Variants in SULT1E1 observed in about 807,000 individuals in gnomAD.
SULT1E1 encodes sulfotransferase 1E1.
Under a neutral mutation model 33.6 loss-of-function variants are expected in SULT1E1, and 36 were observed. That is an observed-to-expected ratio of 1.07 (90% CI 0.82 to 1.41). SULT1E1 has a LOEUF of 1.41. SULT1E1 is among the 40% of genes most tolerant of loss of function. The pLI is 0.00. For missense variants in SULT1E1, 371 were observed against 345.7 expected (o/e 1.07, Z -0.58); for synonymous variants, 121 against 111.7 (o/e 1.08, Z -0.53).
chr4:69,844,274 T>A lies in SULT1E1; in HGVS notation c.659A>T (p.Asp220Val), dbSNP rs201005072. ...GAACGAAGTATGATGTATAATCCTG[T>A]CCACAAGCTCCTCTGATGGCTTCCT... is the stretch of plus-strand genomic sequence containing the variant. ...LERKPSEELVDRIIHHTSFQE... is the reference protein window; with the variant it reads ...LERKPSEELVVRIIHHTSFQE... Residue 220 changes from aspartate to valine, a missense_variant, in exon 7 of 8, where the codon GAC (aspartate) becomes GTC (valine). By Grantham distance (152) the Asp-to-Val change is radical. Transcript: ENST00000226444. 2.2e-5 allele frequency: 36 copies of A among 1,613,764 alleles called. No individual in the cohort carries two copies. The highest frequency in any genetic ancestry group is 3.0e-5 in the Non-Finnish European group (35 of 1,179,840).
chr4:69,859,970 C>G (rs763005472), intron 1 of SULT1E1, 79 bp downstream of exon 1: 1 of 151,856 alleles, frequency 6.6e-6, no homozygotes, highest in Non-Finnish European at 1.5e-5. Flanking sequence ...TTTTTAAGAG[C>G]TTTGTAATAC....
At chr4:69,837,193 G>A (rs12499679), downstream of SULT1E1, among the ~76,000 whole-genome samples, 41,496 of 151,956 alleles carry the variant, frequency 0.27, 6,175 homozygotes, top group South Asian at 0.43. Flanking sequence ...CTTTCCATGT[G>A]TGATTTTTGG....
intron 7 of SULT1E1, among the ~76,000 whole-genome samples, chr4:69,842,596 T>G (rs887336784): frequency 6.6e-6 from 1 of 152,208 alleles, no homozygotes; most frequent in Non-Finnish European, 1.5e-5. Flanking sequence ...TACATTTTAA[T>G]GACCTGTGTA....
rs747589749 is a variant in SULT1E1 at position 69,857,593 on chromosome 4, G to T, written c.52C>A (p.Leu18Ile). The change falls in exon 2 of 8, where the codon CTA becomes ATA. Residue 18 changes from leucine to isoleucine, a missense_variant. Transcript: ENST00000226444. ...YEKFEEVHGILMYKDFVKYWD... is the reference protein window; with the variant it reads ...YEKFEEVHGIIMYKDFVKYWD... The stretch of plus-strand genomic sequence containing the variant: ...TATTTGACAAAATCTTTATACATTA[G>T]AATCCCATGGACTTCTTCAAACTTT... 30 of 1,612,682 alleles carry T rather than the reference G, an allele frequency of 1.9e-5. No homozygotes were observed. Among genetic ancestry groups the T allele is most frequent in the Non-Finnish European group, 2.5e-5 (29 of 1,179,594 alleles).
chr4:69,830,428 C>A, the SULT1E1 span, among the ~76,000 whole-genome samples: 1 of 152,228 alleles, frequency 6.6e-6, no homozygotes, highest in Non-Finnish European at 1.5e-5. Context: ...CAGGGTTGAA[C>A]AGGGTGTACA....
chr4:69,849,694 CAT>C lies in SULT1E1; in HGVS notation c.370-133_370-132del, dbSNP rs11573772. 32 of 766,340 alleles carry C rather than the reference CAT, an allele frequency of 4.2e-5. No individual in the cohort carries two copies. The African/African-American group carries it at 5.0e-4, about 12-fold the overall frequency. 47.5% of individuals were successfully genotyped at this position (766,340 alleles called of 1,614,324 possible). A position where few individuals can be genotyped will look rare whatever the true frequency, so the allele number is the denominator to read the frequency against. On this transcript the variant is annotated intron_variant, in intron 4 of 7. Coordinates refer to ENST00000226444, the MANE Select transcript of SULT1E1 (RefSeq NM_005420.3). ...CATTAATTTTACAAAATGCATAAGA[CAT>C]GTACAATTATTTATAAAGACATCTT... is the stretch of plus-strand genomic sequence containing the variant.
chr4:69,831,150 G>A, the SULT1E1 span, among the ~76,000 whole-genome samples: 1 of 152,188 alleles, frequency 6.6e-6, no homozygotes, highest in Non-Finnish European at 1.5e-5. Flanking sequence ...TGAACCAGCA[G>A]CAAAAGCAGT....
At chr4:69,840,624 A>G (rs1461079406), downstream of SULT1E1, among the ~76,000 whole-genome samples, 1 of 152,242 alleles carries the variant, frequency 6.6e-6, no homozygotes, top group African/African-American at 2.4e-5. Flanking sequence ...AAGCATAAAT[A>G]TTTCAAACTA....
chr4:69,835,269 C>T, the SULT1E1 span, among the ~76,000 whole-genome samples: 2 of 152,148 alleles, frequency 1.3e-5, no homozygotes, highest in African/African-American at 4.8e-5. Flanking sequence ...ATCCTGTTGT[C>T]ATGCTAAATG....
At chr4:69,828,760 A>G in the SULT1E1 span, among the ~76,000 whole-genome samples, 1 of 152,230 alleles carries the variant, frequency 6.6e-6, no homozygotes, top group Non-Finnish European at 1.5e-5. Flanking sequence ...TGGCTTATAT[A>G]GAAGCCTAAA....
intron 1 of SULT1E1, among the ~76,000 whole-genome samples, chr4:69,858,208 T>A (rs545750078): frequency 6.6e-6 from 1 of 152,246 alleles, no homozygotes; most frequent in East Asian, 1.9e-4. Context: ...TACACTGTAA[T>A]GGTTATATCA....
intron 2 of SULT1E1, among the ~76,000 whole-genome samples, chr4:69,855,810 G>C (rs1406502407): frequency 6.6e-6 from 1 of 152,112 alleles, no homozygotes; most frequent in Non-Finnish European, 1.5e-5. Flanking sequence ...TTGGGTCCTA[G>C]GTCAGAAAAC....
At chr4:69,831,524 A>T in the SULT1E1 span, among the ~76,000 whole-genome samples, 2 of 152,154 alleles carry the variant, frequency 1.3e-5, no homozygotes, top group African/African-American at 4.8e-5. Context: ...ACACCAATAG[A>T]GGGCTATTCT....
intron 5 of SULT1E1, 191 bp downstream of exon 5, chr4:69,849,246 A>G (rs1721048115): frequency 2.3e-6 from 1 of 435,736 alleles, no homozygotes; most frequent in Non-Finnish European, 4.0e-6. Context: ...GAGTGCTCAG[A>G]TTCTGCAATT....
chr4:69,832,729 C>T, the SULT1E1 span, among the ~76,000 whole-genome samples: 5 of 152,154 alleles, frequency 3.3e-5, no homozygotes, highest in Non-Finnish European at 7.3e-5. Context: ...TGCTCAGGCA[C>T]GTCTGGTGAC....
intron 1 of SULT1E1, among the ~76,000 whole-genome samples, chr4:69,857,915 T>G (rs1255999105): frequency 6.6e-6 from 1 of 152,148 alleles, no homozygotes; most frequent in East Asian, 1.9e-4. Context: ...AATAAAAATG[T>G]GGATATATTC....
the SULT1E1 span, among the ~76,000 whole-genome samples, chr4:69,823,878 A>C: frequency 6.6e-6 from 1 of 152,030 alleles, no homozygotes; most frequent in African/African-American, 2.4e-5. Context: ...CCCTAGAATG[A>C]AGCCGCTCCT....
chr4:69,836,796 T>C (rs145608954), downstream of SULT1E1, among the ~76,000 whole-genome samples: 988 of 152,356 alleles, frequency 6.5e-3, 4 homozygotes, highest in Non-Finnish European at 9.7e-3. Flanking sequence ...ACTGTGTTCC[T>C]GTCATCATGC....
At chr4:69,826,783 C>A in the SULT1E1 span, among the ~76,000 whole-genome samples, 1 of 152,082 alleles carries the variant, frequency 6.6e-6, no homozygotes, top group African/African-American at 2.4e-5. Context: ...AGAGGGAAGG[C>A]AAATGGAGCA....
Sources: allele counts gnomAD v4.1 joint callset (sites outside exome capture counted in the v4.1 genomes callset), GRCh38; gene constraint gnomAD v4.1.1; transcripts MANE v1.5; gene names NCBI Gene and HGNC (gene_info 2026-07-23, HGNC 2026-07-21).